The following B3GAT3 variants were observed in gnomAD, a reference collection of about 807,000 sequenced individuals.
B3GAT3 encodes the protein beta-1,3-glucuronyltransferase 3.
B3GAT3 carries 19 observed loss-of-function variants against 33.1 expected under a neutral mutation model. That is an observed-to-expected ratio of 0.57 (90% confidence interval 0.40 to 0.84). The LOEUF is 0.84. Ranked by LOEUF, B3GAT3 falls within the 40% of genes least tolerant of loss-of-function variation. The pLI is 0.00. For missense variants in B3GAT3, 344 were observed against 441.5 expected (o/e 0.78, Z 1.98); for synonymous variants, 167 against 193.5 (o/e 0.86, Z 1.14).
intron 1 of B3GAT3, among the ~76,000 whole-genome samples, chr11:62,621,607 T>A (rs905409269): frequency 3.3e-5 from 5 of 150,488 alleles, no homozygotes; most frequent in Admixed American, 2.6e-4. Flanking sequence ...GGGAGAGGGG[T>A]GGAAATGGGG....
chr11:62,616,910 C>A, intron 3 of B3GAT3, 77 bp downstream of exon 3: 1 of 1,612,864 alleles, frequency 6.2e-7, no homozygotes, highest in Non-Finnish European at 8.5e-7. Context: ...CAGCAGCCAA[C>A]GGCAACACTG....
Position 62,620,631 on chromosome 11 carries a change from G to C in B3GAT3, c.123C>G (p.Ala41=), listed in dbSNP as rs1004649913. Residue 41 remains alanine, a synonymous_variant, in exon 2 of 5, where the codon GCC becomes GCG. Coordinates refer to ENST00000265471, the MANE Select transcript of B3GAT3 (RefSeq NM_012200.4). ...CDCLPPLRAA[A]EQLRQKDLRI... The stretch of plus-strand genomic sequence containing the variant: ...TCAGATCCTTCTGCCGTAGCTGCTC[G>C]GCTGCTGCCCGCAGGGGAGGAAGGC... The C allele has an allele frequency of 6.2e-7, 1 of 1,612,510 alleles. No homozygotes were observed. Among genetic ancestry groups the C allele is most frequent in the Non-Finnish European group, 8.5e-7 (1 of 1,179,088 alleles).
chr11:62,621,920 G>A lies in B3GAT3; in HGVS notation c.28C>T (p.Leu10Phe), dbSNP rs1943154157. MKLKLKNVF[L>F]AYFLVSIAGL... ...GCGATCGACACCAGGAAGTAGGCGA[G>A]AAACACGTTCTTCAGCTTCAGCTTC... The change falls in exon 1 of 5, where the codon CTC becomes TTC. Residue 10 changes from leucine to phenylalanine, a missense_variant. Coordinates refer to ENST00000265471, the MANE Select transcript of B3GAT3 (RefSeq NM_012200.4). The A allele has an allele frequency of 4.3e-6, 7 of 1,613,002 alleles. No homozygotes were observed. The highest frequency in any genetic ancestry group is 5.1e-6 in the Non-Finnish European group (6 of 1,179,400).
chr11:62,615,696 C>A lies in B3GAT3; in HGVS notation c.*5G>T. Reference sequence around the variant, plus strand: ...AAAGAGGTGGTAGTTGGGGTGGGGCCGCCATCACACCTCAATTGCTGGGTC... The same window carrying A: ...AAAGAGGTGGTAGTTGGGGTGGGGCAGCCATCACACCTCAATTGCTGGGTC... On this transcript the variant is annotated 3_prime_UTR_variant, in exon 5 of 5. Coordinates refer to ENST00000265471, the MANE Select transcript of B3GAT3 (RefSeq NM_012200.4). The A allele has an allele frequency of 1.9e-6, 3 of 1,612,888 alleles. No homozygotes were observed. The Admixed American group carries it at 5.0e-5, about 27-fold the overall frequency.
intron 4 of B3GAT3, 100 bp downstream of exon 4, chr11:62,616,406 C>T: frequency 6.6e-7 from 1 of 1,516,050 alleles, no homozygotes; most frequent in Non-Finnish European, 9.1e-7. Flanking sequence ...TCTGGAGAGT[C>T]CCTCCTGGTT....
intron 2 of B3GAT3, among the ~76,000 whole-genome samples, chr11:62,618,578 C>T (rs556800173): frequency 1.9e-4 from 29 of 150,428 alleles, no homozygotes; most frequent in African/African-American, 7.1e-4. Flanking sequence ...AGGAGAATGG[C>T]GTGAACCCGG....
chr11:62,621,805 G>C, intron 1 of B3GAT3, 61 bp downstream of exon 1: 1 of 1,497,262 alleles, frequency 6.7e-7, no homozygotes, highest in Non-Finnish European at 9.0e-7. Context: ...CCCCAGGGCG[G>C]GATGCACGGC....
Position 62,616,982 on chromosome 11 carries a change from C to T in B3GAT3, c.618+5G>A, listed in dbSNP as rs937454013. 1.9e-6 allele frequency: 3 copies of T among 1,614,120 alleles called. No homozygotes were observed. Among genetic ancestry groups the T allele is most frequent in the Non-Finnish European group, 2.5e-6 (3 of 1,180,050 alleles). ...TCTCTTGCCCATCCCCATCCTGGTGCTCACCTCCTCAAACAGCTCCCGGCT... is the reference window on the plus strand; with the variant it reads ...TCTCTTGCCCATCCCCATCCTGGTGTTCACCTCCTCAAACAGCTCCCGGCT... On this transcript the variant is annotated splice_donor_5th_base_variant and intron_variant, in intron 3 of 4. Coordinates refer to ENST00000265471, the MANE Select transcript of B3GAT3 (RefSeq NM_012200.4).
At chr11:62,619,699 C>CTTTTTTTTTTTTTTTTT (rs5792264) in intron 2 of B3GAT3, among the ~76,000 whole-genome samples, 1 of 85,698 alleles carries the variant, frequency 1.2e-5, no homozygotes, top group Non-Finnish European at 2.0e-5. Context: ...GCCTAGCTAA[C>CTTTTTTTTTTTTTTTTT]TTTTTTTTTT....
intron 2 of B3GAT3, among the ~76,000 whole-genome samples, chr11:62,619,175 G>GAA (rs35210758): frequency 6.9e-6 from 1 of 145,438 alleles, no homozygotes; most frequent in African/African-American, 2.5e-5. Flanking sequence ...GCGGGGGGAA[G>GAA]AAAAAAAAAA....
chr11:62,617,460 A>G lies in B3GAT3; in HGVS notation c.258-113T>C, dbSNP rs185549682. ...CCTGCGTCTCCTGTGGCCCTTCCCA[A>G]CCAATGCCTAAACTCCCTCTTTCTT... On this transcript the variant is annotated intron_variant, in intron 2 of 4. Transcript: ENST00000265471. The G allele has an allele frequency of 4.2e-6, 6 of 1,424,970 alleles. No individual in the cohort carries two copies. In the East Asian group the frequency reaches 1.2e-4, roughly 27 times the overall value. The allele number at this position is 1,424,970 out of a possible 1,614,324, so 88.3% of individuals were successfully genotyped here.
intron 2 of B3GAT3, among the ~76,000 whole-genome samples, chr11:62,618,587 G>A (rs534950434): frequency 1.2e-4 from 18 of 151,372 alleles, no homozygotes; most frequent in Non-Finnish European, 1.9e-4. Context: ...GCGTGAACCC[G>A]GGAGGCAGAG....
chr11:62,616,925 C>G, intron 3 of B3GAT3, 62 bp downstream of exon 3: 1 of 1,613,540 alleles, frequency 6.2e-7, no homozygotes, highest in Non-Finnish European at 8.5e-7. Flanking sequence ...ACACTGCTAA[C>G]CAAGGTAACG....
intron 1 of B3GAT3, chr11:62,620,908 G>T: frequency 1.7e-6 from 1 of 584,758 alleles, no homozygotes; most frequent in Non-Finnish European, 3.1e-6. Context: ...ATATTGAGCT[G>T]ATTCCATCTT....
intron 2 of B3GAT3, among the ~76,000 whole-genome samples, chr11:62,619,699 CT>C (rs5792264): frequency 1.9e-3 from 160 of 85,682 alleles, no homozygotes; most frequent in African/African-American, 6.7e-3. Flanking sequence ...GCCTAGCTAA[CT>C]TTTTTTTTTT....
chr11:62,620,406 C>A, intron 2 of B3GAT3, 91 bp downstream of exon 2: 1 of 1,227,514 alleles, frequency 8.1e-7, no homozygotes, highest in Non-Finnish European at 1.2e-6. Flanking sequence ...GTTTGAGGAA[C>A]AACTCCTAGC....
intron 2 of B3GAT3, among the ~76,000 whole-genome samples, chr11:62,618,156 G>C (rs1356901143): frequency 9.9e-6 from 1 of 100,904 alleles, no homozygotes; most frequent in African/African-American, 3.9e-5. Flanking sequence ...CAGCCTGAGC[G>C]ACAAGAGCGA....
Position 62,616,605 on chromosome 11 carries a change from T to C in B3GAT3, c.810A>G (p.Gln270=), listed in dbSNP as rs778465046. 85 of 1,614,054 alleles carry C rather than the reference T, an allele frequency of 5.3e-5. No individual in the cohort carries two copies. Among genetic ancestry groups the C allele is most frequent in the Non-Finnish European group, 6.4e-5 (76 of 1,180,038 alleles). The change falls in exon 4 of 5, where the codon CAA becomes CAG. Residue 270 remains glutamine, a synonymous_variant. Transcript: ENST00000265471. ...GGCCCCGGGGAGCGGTGGAATCAAA[T>C]TGGGCATTGGGCTTATCTAACAGCA... is the stretch of plus-strand genomic sequence containing the variant. ...LPLLLDKPNA[Q]FDSTAPRGHL... is the part of the protein sequence containing the mutation.
rs965158183 is a variant in B3GAT3 at position 62,615,360 on chromosome 11, C to T, written c.*341G>A. The T allele has an allele frequency of 6.2e-5, 29 of 467,162 alleles. No homozygotes were observed. The highest frequency in any genetic ancestry group is 5.1e-4 in the African/African-American group (26 of 50,758). The allele number at this position is 467,162 out of a possible 1,614,324, so 28.9% of individuals were successfully genotyped here. ...TCAGCATGCTCAGGTGGGAAGGGTCCAGCCCAGCTCCTCCAGCCCCCCAGT... is the reference window on the plus strand; with the variant it reads ...TCAGCATGCTCAGGTGGGAAGGGTCTAGCCCAGCTCCTCCAGCCCCCCAGT... On this transcript the variant is annotated 3_prime_UTR_variant, in exon 5 of 5. Coordinates refer to ENST00000265471, the MANE Select transcript of B3GAT3 (RefSeq NM_012200.4).
Sources: allele counts gnomAD v4.1 joint callset (sites outside exome capture counted in the v4.1 genomes callset), GRCh38; gene constraint gnomAD v4.1.1; transcripts MANE v1.5; gene names NCBI Gene and HGNC (gene_info 2026-07-23, HGNC 2026-07-21).